The following POLQ variants were observed in gnomAD, a reference collection of about 807,000 sequenced individuals.
The protein encoded by POLQ is DNA polymerase theta, also known as epididymis secretory sperm binding protein.
In POLQ, 233 loss-of-function variants were observed where a neutral mutation model predicts 259.2. That is an observed-to-expected ratio of 0.90 (90% CI 0.81 to 1.00). POLQ has a LOEUF of 1.00. Ranked by LOEUF, POLQ falls within the 50% of genes least tolerant of loss-of-function variation. The pLI is 0.00. For missense variants in POLQ, 2,871 were observed against 3,051.6 expected, an observed-to-expected ratio of 0.94 and a Z score of 1.39; for synonymous variants, 1,025 against 1,048.8, an observed-to-expected ratio of 0.98 and a Z score of 0.44.
chr3:121,538,970 A>G (rs907724129), intron 4 of POLQ, among the ~76,000 whole-genome samples: 1 of 152,178 alleles, frequency 6.6e-6, no homozygotes, highest in Non-Finnish European at 1.5e-5. Flanking sequence ...ATCTTCCCAC[A>G]ATCCCAAGCT....
Position 121,476,532 on chromosome 3 carries a change from G to A in POLQ, c.6405+8C>T, listed in dbSNP as rs2047926851. On this transcript the variant is annotated splice_region_variant and intron_variant, in intron 20 of 29. Transcript: ENST00000264233. ...TATGTATCTATATCCCTAGCCCCAT[G>A]ATACAACCTCAGCGATGTCATCTGA... The A allele has an allele frequency of 6.2e-7, 1 of 1,603,782 alleles. No homozygotes were observed. Among genetic ancestry groups the A allele is most frequent in the Non-Finnish European group, 8.5e-7 (1 of 1,172,364 alleles).
chr3:121,520,037 T>A lies in POLQ; in HGVS notation c.1302A>T (p.Gln434His), dbSNP rs775464703. The change falls in exon 9 of 30, where the codon CAA becomes CAT. Residue 434 changes from glutamine to histidine, a missense_variant. Physicochemically the swap from Gln to His is conservative, Grantham distance 24. This residue lies in a region of POLQ where 783 missense variants were observed against 906.2 expected (regional missense o/e 0.86). Transcript: ENST00000264233. ...TTGCCGCCAAGACCCGAATGAGACC[T>A]TGACGAAAGGCTCCTTCAATGATAT... The part of the protein sequence containing the change: ...ERDIIEGAFR[Q>H]GLIRVLAATS... 6.2e-7 allele frequency: 1 copy of A among 1,613,686 alleles called. No homozygotes were observed. Among genetic ancestry groups the A allele is most frequent in the South Asian group, 1.1e-5 (1 of 91,062 alleles).
At chr3:121,529,562 A>G in intron 7 of POLQ, 83 bp downstream of exon 7, 1 of 1,299,522 alleles carries the variant, frequency 7.7e-7, no homozygotes, top group Non-Finnish European at 1.1e-6. Context: ...AACAAAAGCC[A>G]TGTTTTTGCT....
chr3:121,487,662 C>G lies in POLQ; in HGVS notation c.5269G>C (p.Val1757Leu), dbSNP rs770473769. 1.2e-6 allele frequency: 2 copies of G among 1,613,806 alleles called. No homozygotes were observed. Among genetic ancestry groups the G allele is most frequent in the South Asian group, 2.2e-5 (2 of 91,066 alleles). ...LTFPGILETPVNPWKTNNVLQ... is the reference protein window; with the variant it reads ...LTFPGILETPLNPWKTNNVLQ... The stretch of plus-strand genomic sequence containing the variant: ...ACATTATTAGTTTTCCAAGGGTTTA[C>G]AGGTGTTTCAAGAATCCCTGGAAAT... The change falls in exon 16 of 30, where the codon GTA becomes CTA. Residue 1757 changes from valine (V) to leucine (L), a missense_variant. By Grantham distance (32) the Val-to-Leu change is conservative. Coordinates refer to ENST00000264233, the MANE Select transcript of POLQ (RefSeq NM_199420.4).
At chr3:121,451,019 T>C (rs1301620753) in intron 25 of POLQ, among the ~76,000 whole-genome samples, 1 of 152,212 alleles carries the variant, frequency 6.6e-6, no homozygotes, top group Non-Finnish European at 1.5e-5. Context: ...ACTTCTCTTC[T>C]TGCTTCATTT....
At chr3:121,432,707 A>T (rs1304209869) in intron 29 of POLQ, among the ~76,000 whole-genome samples, 1 of 152,234 alleles carries the variant, frequency 6.6e-6, no homozygotes, top group African/African-American at 2.4e-5. Context: ...AGACAAAAAC[A>T]TCTTGCATTG....
chr3:121,516,293 T>C (rs1215896695), intron 9 of POLQ, among the ~76,000 whole-genome samples: 3 of 152,148 alleles, frequency 2.0e-5, no homozygotes, highest in African/African-American at 4.8e-5. Flanking sequence ...CACATGAATA[T>C]AACACCTGAC....
At chr3:121,434,900 C>T (rs746537911) in intron 28 of POLQ, among the ~76,000 whole-genome samples, 15 of 152,118 alleles carry the variant, frequency 9.9e-5, no homozygotes, top group Admixed American at 2.0e-4. Context: ...CGCTGGTAAT[C>T]CCAACACTTT....
Position 121,488,913 on chromosome 3 carries a change from C to A in POLQ, c.4018G>T (p.Ala1340Ser), listed in dbSNP as rs772588884. ...TTGGTGTCCTTTGCTCCTAGTTTGGCATTTTCAGTTGCCATCTGTTGTATT... is the reference window on the plus strand; with the variant it reads ...TTGGTGTCCTTTGCTCCTAGTTTGGAATTTTCAGTTGCCATCTGTTGTATT... ...KIIQQMATENAKLGAKDTNLA... is the reference protein window; with the variant it reads ...KIIQQMATENSKLGAKDTNLA... Residue 1340 changes from alanine (A) to serine (S), a missense_variant, in exon 16 of 30, where the codon GCC becomes TCC. Around this residue, in one of 3 missense-constraint regions of POLQ, gnomAD observed 2,080 missense variants for 2,126.0 expected, o/e 0.98. Transcript: ENST00000264233. The A allele has an allele frequency of 2.9e-5, 47 of 1,614,032 alleles. No individual in the cohort carries two copies. Among genetic ancestry groups the A allele is most frequent in the Non-Finnish European group, 3.6e-5 (43 of 1,180,008 alleles).
At chr3:121,458,430 G>A (rs971347695) in intron 25 of POLQ, among the ~76,000 whole-genome samples, 19 of 151,726 alleles carry the variant, frequency 1.3e-4, no homozygotes, top group Admixed American at 7.9e-4. Context: ...AAAGGAAGTC[G>A]GGTGCCCAAG....
At chr3:121,519,002 T>C (rs889859296) in intron 9 of POLQ, among the ~76,000 whole-genome samples, 4 of 152,174 alleles carry the variant, frequency 2.6e-5, no homozygotes, top group Non-Finnish European at 5.9e-5. Context: ...AACTTTTGTT[T>C]GGATTGCTGG....
intron 6 of POLQ, among the ~76,000 whole-genome samples, chr3:121,530,583 G>T (rs1158166977): frequency 2.0e-5 from 3 of 152,134 alleles, no homozygotes; most frequent in Non-Finnish European, 4.4e-5. Context: ...AAATTGTCCT[G>T]AGAAAACAAT....
At chr3:121,455,860 G>T (rs1359235547) in intron 25 of POLQ, among the ~76,000 whole-genome samples, 2 of 152,212 alleles carry the variant, frequency 1.3e-5, no homozygotes, top group Non-Finnish European at 2.9e-5. Flanking sequence ...TAGAAAAAGA[G>T]GAAATCCTCC....
chr3:121,460,369 TA>T, intron 24 of POLQ, 135 bp from the exon 25 acceptor site: 1 of 630,608 alleles, frequency 1.6e-6, no homozygotes, highest in African/African-American at 1.8e-5. Context: ...TGTCAAAAGT[TA>T]AAACCTTCCT....
intron 5 of POLQ, among the ~76,000 whole-genome samples, chr3:121,534,801 GTGATTACTTTTT>G (rs1412375744): frequency 6.6e-6 from 1 of 152,002 alleles, no homozygotes; most frequent in East Asian, 1.9e-4. Flanking sequence ...AACTTCTGTT[GTGATTACTTTTT>G]TGATCTAAAA....
At chr3:121,473,805 T>C (rs1335330441) in intron 20 of POLQ, among the ~76,000 whole-genome samples, 1 of 145,552 alleles carries the variant, frequency 6.9e-6, no homozygotes, top group Non-Finnish European at 1.5e-5. Flanking sequence ...CAGCTCACTC[T>C]AGCCTTGACT....
intron 7 of POLQ, among the ~76,000 whole-genome samples, chr3:121,524,862 TATAA>T (rs1354611136): frequency 6.6e-6 from 1 of 152,134 alleles, no homozygotes; most frequent in Non-Finnish European, 1.5e-5. Flanking sequence ...TACATTTTCT[TATAA>T]ATAATACCTC....
intron 7 of POLQ, among the ~76,000 whole-genome samples, chr3:121,522,752 A>G (rs1361837342): frequency 6.6e-6 from 1 of 152,194 alleles, no homozygotes; most frequent in Non-Finnish European, 1.5e-5. Flanking sequence ...GAAACTGTGT[A>G]AGGGTAAGAC....
intron 19 of POLQ, among the ~76,000 whole-genome samples, chr3:121,481,028 C>T (rs2047966028): frequency 6.6e-6 from 1 of 152,124 alleles, no homozygotes; most frequent in Admixed American, 6.6e-5. Flanking sequence ...ATAACAATGA[C>T]AATAAATTCA....
Sources: gnomAD v4.1 joint callset for allele counts (sites outside exome capture counted in the v4.1 genomes callset) on GRCh38, gnomAD v4.1.1 for gene constraint, gnomAD v4.1.1 regional missense constraint, MANE v1.5 for transcripts, NCBI Gene and HGNC (gene_info 2026-07-23, HGNC 2026-07-21) for gene names.